Variants in AKR1B1 observed in about 807,000 individuals in gnomAD.
AKR1B1 encodes aldo-keto reductase family 1 member B.
Under a neutral mutation model 40.4 loss-of-function variants are expected in AKR1B1, and 22 were observed. The observed-to-expected ratio is 0.54, with a 90% CI of 0.39 to 0.78. The LOEUF (loss-of-function observed/expected upper bound fraction) is 0.78. Ranked by LOEUF, AKR1B1 falls within the 30% of genes least tolerant of loss-of-function variation. The pLI, the probability that AKR1B1 is intolerant of heterozygous loss-of-function variation, is 0.00. For missense variants in AKR1B1, 357 were observed against 396.7 expected (o/e 0.90, Z 0.85); for synonymous variants, 157 against 149.9 (o/e 1.05, Z -0.35).
intron 7 of AKR1B1, chr7:134,447,707 C>T (rs1333084723): frequency 1.6e-5 from 10 of 613,904 alleles, no homozygotes; most frequent in Non-Finnish European, 2.6e-5. Flanking sequence ...AGAGCTCTTA[C>T]ATTTGTACAG....
intron 7 of AKR1B1, chr7:134,447,649 A>G: frequency 3.2e-6 from 2 of 617,730 alleles, no homozygotes; most frequent in African/African-American, 3.7e-5. Context: ...TCCACTGGCT[A>G]GAAATGCACA....
chr7:134,446,129 T>G (rs1466612746), intron 8 of AKR1B1, among the ~76,000 whole-genome samples: 8 of 152,266 alleles, frequency 5.3e-5, no homozygotes, highest in Non-Finnish European at 1.2e-4. Flanking sequence ...GTTAGCATTT[T>G]GAGATTAGTC....
Position 134,442,709 on chromosome 7 carries a change from C to A in AKR1B1, c.*19G>T, listed in dbSNP as rs200286486. 12 of 1,613,406 alleles carry A rather than the reference C, an allele frequency of 7.4e-6. No homozygotes were observed. The African/African-American group carries it at 1.6e-4, about 22-fold the overall frequency. The stretch of plus-strand genomic sequence containing the variant: ...AACACAGGTATAGGTCACTTGGGGA[C>A]GAGCAGGCAACCACAGCTTCAAAAC... On this transcript the variant is annotated 3_prime_UTR_variant, in exon 10 of 10. Coordinates refer to ENST00000285930, the MANE Select transcript of AKR1B1 (RefSeq NM_001628.4).
intron 8 of AKR1B1, 66 bp downstream of exon 8, chr7:134,447,232 G>C (rs1806127091): frequency 7.3e-7 from 1 of 1,371,152 alleles, no homozygotes; most frequent in Non-Finnish European, 1.0e-6. Context: ...CCAGAGACAG[G>C]ATGAGAGGCC....
intron 2 of AKR1B1, 32 bp downstream of exon 2, chr7:134,451,554 G>A (rs1490787421): frequency 6.2e-7 from 1 of 1,612,414 alleles, no homozygotes; most frequent in Non-Finnish European, 8.5e-7. Context: ...ATGGGACCGA[G>A]AGCCCCTTCC....
At chr7:134,452,572 C>T (rs1389001257) in intron 1 of AKR1B1, among the ~76,000 whole-genome samples, 1 of 152,142 alleles carries the variant, frequency 6.6e-6, no homozygotes, top group Non-Finnish European at 1.5e-5. Context: ...GGAGGAAGTG[C>T]CTACATGGCA....
At chr7:134,457,333 T>C (rs1806501985) in intron 1 of AKR1B1, among the ~76,000 whole-genome samples, 1 of 152,174 alleles carries the variant, frequency 6.6e-6, no homozygotes, top group Non-Finnish European at 1.5e-5. Context: ...TATCTGTGCG[T>C]TGCATCATGC....
Position 134,450,898 on chromosome 7 carries a change from C to G in AKR1B1, c.239G>C (p.Trp80Ser). 1.2e-6 allele frequency: 2 copies of G among 1,613,750 alleles called. No homozygotes were observed. The highest frequency in any genetic ancestry group is 8.5e-7 in the Non-Finnish European group (1 of 1,179,716). ...REELFIVSKLWCTYHEKGLVK... is the reference protein window; with the variant it reads ...REELFIVSKLSCTYHEKGLVK... ...CAGGCCCTTCTCATGGTACGTGCAC[C>G]ACAGCTAAGCCAGCGAGAGGGCACA... The change falls in exon 3 of 10, where the codon TGG becomes TCG. Residue 80 changes from tryptophan to serine, a missense_variant. By Grantham distance (177) the Trp-to-Ser change is radical. Coordinates refer to ENST00000285930, the MANE Select transcript of AKR1B1 (RefSeq NM_001628.4).
chr7:134,452,728 A>G (rs1320680737), intron 1 of AKR1B1, among the ~76,000 whole-genome samples: 2 of 152,212 alleles, frequency 1.3e-5, no homozygotes, highest in Non-Finnish European at 2.9e-5. Context: ...GCTGGGGTAG[A>G]AACAAATGAA....
chr7:134,451,448 G>T (rs920571225), intron 2 of AKR1B1, 138 bp downstream of exon 2: 1 of 1,082,128 alleles, frequency 9.2e-7, no homozygotes, highest in Non-Finnish European at 1.4e-6. Context: ...CTGTATGGCC[G>T]TGGGTGATAC....
chr7:134,454,963 T>C (rs1806421026), intron 1 of AKR1B1, among the ~76,000 whole-genome samples: 1 of 152,184 alleles, frequency 6.6e-6, no homozygotes, highest in South Asian at 2.1e-4. Context: ...TTTAAATGTC[T>C]TTGGTCTTGA....
At chr7:134,444,870 G>A (rs866706823) in intron 9 of AKR1B1, 30 of 370,444 alleles carry the variant, frequency 8.1e-5, no homozygotes, top group Middle Eastern at 8.7e-4. Context: ...CTTTCATTAG[G>A]GTCATTAAGA....
At chr7:134,447,944 G>A (rs1218447013) in intron 7 of AKR1B1, 36 bp downstream of exon 7, 3 of 1,571,710 alleles carry the variant, frequency 1.9e-6, no homozygotes, top group Admixed American at 1.7e-5. Flanking sequence ...AATGCAGGCA[G>A]TTGTGGACGG....
intron 1 of AKR1B1, among the ~76,000 whole-genome samples, chr7:134,458,618 C>A (rs551848473): frequency 7.2e-4 from 110 of 152,318 alleles, no homozygotes; most frequent in African/African-American, 2.5e-3. Context: ...CGCCCGAGGT[C>A]CACCGGTCTG....
chr7:134,447,514 G>A (rs1806141550), intron 7 of AKR1B1, 133 bp from the exon 8 acceptor site: 1 of 804,124 alleles, frequency 1.2e-6, no homozygotes, highest in Non-Finnish European at 2.1e-6. Flanking sequence ...GCTCCAAGAT[G>A]TCAGGTCACA....
At chr7:134,458,660 T>C (rs1252924749) in intron 1 of AKR1B1, among the ~76,000 whole-genome samples, 12 of 152,144 alleles carry the variant, frequency 7.9e-5, no homozygotes, top group Admixed American at 7.9e-4. Flanking sequence ...CCCTCTCGCG[T>C]TGTGCCGCTT....
intron 9 of AKR1B1, among the ~76,000 whole-genome samples, chr7:134,443,585 A>C (rs1806006905): frequency 6.6e-6 from 1 of 151,304 alleles, no homozygotes; most frequent in South Asian, 2.1e-4. Flanking sequence ...AGCACAGGGC[A>C]GGGAGCACAT....
chr7:134,455,304 A>C (rs193117914), intron 1 of AKR1B1, among the ~76,000 whole-genome samples: 2 of 152,114 alleles, frequency 1.3e-5, no homozygotes, highest in Non-Finnish European at 2.9e-5. Context: ...CTGATATTAC[A>C]ATTTTATTTT....
intron 1 of AKR1B1, among the ~76,000 whole-genome samples, chr7:134,457,635 T>A (rs1806511733): frequency 6.6e-6 from 1 of 152,228 alleles, no homozygotes; most frequent in Non-Finnish European, 1.5e-5. Flanking sequence ...CACAGTTCAC[T>A]CAGTTCTTTC....
Sources: gnomAD v4.1 joint callset for allele counts (sites outside exome capture counted in the v4.1 genomes callset) on GRCh38, gnomAD v4.1.1 for gene constraint, MANE v1.5 for transcripts, NCBI Gene and HGNC (gene_info 2026-07-23, HGNC 2026-07-21) for gene names.